The following BRI3BP variants were observed in gnomAD, a reference collection of about 807,000 sequenced individuals.
The protein encoded by BRI3BP is BRI3-binding protein.
In BRI3BP, 7 loss-of-function variants were observed where a neutral mutation model predicts 15.8. The ratio of observed to expected loss-of-function variants is 0.44; its 90% CI spans 0.25 to 0.83. The LOEUF is 0.83. BRI3BP is among the 40% of genes least tolerant of loss of function. BRI3BP has a pLI of 0.20. For missense variants in BRI3BP, 320 were observed against 339.3 expected, an observed-to-expected ratio of 0.94 and a Z score of 0.45; for synonymous variants, 192 against 163.5, an observed-to-expected ratio of 1.17 and a Z score of -1.33.
At chr12:125,024,808 A>C (rs1955334662) in intron 2 of BRI3BP, among the ~76,000 whole-genome samples, 183 bp from the exon 3 acceptor site, 1 of 147,652 alleles carries the variant, frequency 6.8e-6, no homozygotes, top group African/African-American at 2.7e-5. Flanking sequence ...CAAAAAAAAG[A>C]GGCTTCCCTG....
chr12:125,040,469 T>C, the BRI3BP span, among the ~76,000 whole-genome samples: 3 of 148,904 alleles, frequency 2.0e-5, no homozygotes, highest in African/African-American at 4.9e-5. Flanking sequence ...CTCAGCCTCC[T>C]GAGCAGCTGG....
chr12:125,016,635 C>T (rs1471232932), intron 2 of BRI3BP, among the ~76,000 whole-genome samples: 1 of 151,804 alleles, frequency 6.6e-6, no homozygotes, highest in Non-Finnish European at 1.5e-5. Context: ...AAGTGATTCT[C>T]CTGCCCCAGC....
At chr12:125,044,158 T>C in the BRI3BP span, among the ~76,000 whole-genome samples, 5 of 147,336 alleles carry the variant, frequency 3.4e-5, no homozygotes, top group Non-Finnish European at 6.0e-5. Flanking sequence ...GGTTGTTTTT[T>C]TGTGTGTTTT....
chr12:125,039,500 G>T, the BRI3BP span, among the ~76,000 whole-genome samples: 1 of 152,084 alleles, frequency 6.6e-6, no homozygotes, highest in Non-Finnish European at 1.5e-5. Context: ...CTTGCTACTC[G>T]CCTTGGGAGG....
downstream of BRI3BP, among the ~76,000 whole-genome samples, chr12:125,032,439 CAG>C (rs1955413070): frequency 1.3e-5 from 2 of 151,708 alleles, no homozygotes. Flanking sequence ...GCCTGGGCGA[CAG>C]AGTGAAACTC....
At chr12:124,998,519 A>G (rs948538996) in intron 1 of BRI3BP, among the ~76,000 whole-genome samples, 1 of 152,200 alleles carries the variant, frequency 6.6e-6, no homozygotes, top group Non-Finnish European at 1.5e-5. Flanking sequence ...GGCACACATT[A>G]TATGATTCCA....
At position 125,025,727 on chromosome 12, in the gene BRI3BP, A is replaced by G. The variant is rs1176425402; in HGVS notation, c.*297A>G. On this transcript the variant is annotated 3_prime_UTR_variant, in exon 3 of 3. Transcript: ENST00000341446. Reference sequence around the variant, plus strand: ...GTAAGAGAAATTTATCTGTGCATAGAGCATAAAGTTAATTTTTTCAAGCAT... The same window carrying G: ...GTAAGAGAAATTTATCTGTGCATAGGGCATAAAGTTAATTTTTTCAAGCAT... The G allele has an allele frequency of 3.4e-6, 1 of 296,056 alleles. No homozygotes were observed. Among genetic ancestry groups the G allele is most frequent in the Admixed American group, 4.9e-5 (1 of 20,368 alleles). The allele number at this position is 296,056 out of a possible 1,614,324, so 18.3% of individuals were successfully genotyped here.
chr12:125,025,576 C>A lies in BRI3BP; in HGVS notation c.*146C>A. 1.2e-6 allele frequency: 1 copy of A among 809,238 alleles called. No homozygotes were observed. Among genetic ancestry groups the A allele is most frequent in the Non-Finnish European group, 1.9e-6 (1 of 534,422 alleles). The allele number at this position is 809,238 out of a possible 1,614,324, so 50.1% of individuals were successfully genotyped here. On this transcript the variant is annotated 3_prime_UTR_variant, in exon 3 of 3. Coordinates refer to ENST00000341446, the MANE Select transcript of BRI3BP (RefSeq NM_080626.6). ...CTGTGTAGGGCTATTTCCACCCACCCGGCAGCTCTTAGGACACATTCCCAG... is the reference window on the plus strand; with the variant it reads ...CTGTGTAGGGCTATTTCCACCCACCAGGCAGCTCTTAGGACACATTCCCAG...
chr12:124,993,664 C>T lies in BRI3BP; in HGVS notation c.-127C>T, dbSNP rs1164541151. 9.6e-6 allele frequency: 4 copies of T among 417,742 alleles called. No individual in the cohort carries two copies. Among genetic ancestry groups the T allele is most frequent in the East Asian group, 1.6e-4 (1 of 6,252 alleles). 25.9% of individuals were successfully genotyped at this position (417,742 alleles called of 1,614,324 possible). ...GGGGCAGGTGGCGCAGCAGCGGCGG[C>T]GGCGGCTGTGGGTAAAGGCGCGGCG... On this transcript the variant is annotated 5_prime_UTR_variant, in exon 1 of 3. Coordinates refer to ENST00000341446, the MANE Select transcript of BRI3BP (RefSeq NM_080626.6).
chr12:125,032,711 C>T (rs1955415860), downstream of BRI3BP, among the ~76,000 whole-genome samples: 3 of 152,034 alleles, frequency 2.0e-5, no homozygotes, highest in South Asian at 2.1e-4. Flanking sequence ...GTGGTTGAGG[C>T]TGCAGTGAGC....
At chr12:125,050,619 C>T in the BRI3BP span, among the ~76,000 whole-genome samples, 8 of 152,338 alleles carry the variant, frequency 5.3e-5, no homozygotes, top group Non-Finnish European at 1.2e-4. Context: ...CGGGGAACCC[C>T]CAAGGGAACC....
chr12:124,995,841 C>G (rs1955036078), intron 1 of BRI3BP, among the ~76,000 whole-genome samples: 3 of 152,180 alleles, frequency 2.0e-5, no homozygotes, highest in Admixed American at 2.0e-4. Flanking sequence ...GTATCTCTCG[C>G]CTGTTTTCCT....
At chr12:124,996,288 G>GT (rs887420725) in intron 1 of BRI3BP, among the ~76,000 whole-genome samples, 25 of 151,850 alleles carry the variant, frequency 1.6e-4, no homozygotes, top group Admixed American at 6.6e-4. Flanking sequence ...AATTTTATGG[G>GT]TTTTTTTTTA....
At chr12:125,024,898 G>A in intron 2 of BRI3BP, 93 bp from the exon 3 acceptor site, 4 of 1,173,018 alleles carry the variant, frequency 3.4e-6, no homozygotes, top group Admixed American at 2.5e-5. Context: ...GGCCTTTTAA[G>A]CCCCACAGGC....
chr12:125,016,238 G>A (rs979958731), intron 2 of BRI3BP, among the ~76,000 whole-genome samples: 4 of 152,218 alleles, frequency 2.6e-5, no homozygotes, highest in Non-Finnish European at 5.9e-5. Context: ...TTTGGAATTC[G>A]TGTCTTATGC....
At chr12:125,020,242 G>A (rs544264228) in intron 2 of BRI3BP, among the ~76,000 whole-genome samples, 6 of 152,210 alleles carry the variant, frequency 3.9e-5, no homozygotes, top group East Asian at 3.9e-4. Context: ...CACCGTGCCC[G>A]GCCTAACAGA....
At chr12:125,047,036 C>T in the BRI3BP span, among the ~76,000 whole-genome samples, 1 of 152,152 alleles carries the variant, frequency 6.6e-6, no homozygotes, top group African/African-American at 2.4e-5. Context: ...GCAAAAAAGA[C>T]TGCATTGTGT....
chr12:124,997,214 C>CTTTTTTTTTATTTTTTTTTTTTTTTTTT (rs1955048331), intron 1 of BRI3BP, among the ~76,000 whole-genome samples: 1 of 51,550 alleles, frequency 1.9e-5, no homozygotes, highest in Non-Finnish European at 3.2e-5. Flanking sequence ...CTTTACTTCT[C>CTTTTTTTTTATTTTTTTTTTTTTTTTTT]TTTTTTTTTT....
downstream of BRI3BP, among the ~76,000 whole-genome samples, chr12:125,035,938 A>G (rs560547847): frequency 1.3e-5 from 2 of 152,300 alleles, no homozygotes; most frequent in Admixed American, 6.6e-5. Flanking sequence ...ACATGCATAT[A>G]TCCAAAGCAC....
Sources: gnomAD v4.1 joint callset for allele counts (sites outside exome capture counted in the v4.1 genomes callset) on GRCh38, gnomAD v4.1.1 for gene constraint, MANE v1.5 for transcripts, NCBI Gene and HGNC (gene_info 2026-07-23, HGNC 2026-07-21) for gene names.